ANKFN1: variants seen among roughly 807,000 people sequenced by gnomAD.
ANKFN1 encodes the protein ankyrin repeat and fibronectin type-III domain-containing protein 1.
Under a neutral mutation model 108.7 loss-of-function variants are expected in ANKFN1, and 74 were observed. The observed-to-expected ratio is 0.68, with a 90% CI of 0.56 to 0.83. The LOEUF (loss-of-function observed/expected upper bound fraction) is 0.83, where lower values mean the gene tolerates loss of function less well. ANKFN1 is among the 40% of genes least tolerant of loss of function. The pLI is 0.00. For missense variants in ANKFN1, 1,505 were observed against 1,382.3 expected (o/e 1.09, Z -1.41); for synonymous variants, 547 against 516.2 (o/e 1.06, Z -0.81).
chr17:56,116,783 G>A lies in ANKFN1; in HGVS notation c.288+70458G>A, dbSNP rs553876557. ...ATAGTAACACAAACAGGCTAAGACA[G>A]AAGGCAAGTTAAAACAAAAAAGATT... On this transcript the variant is annotated intron_variant, in intron 4 of 12. Coordinates refer to the ANKFN1 transcript ENST00000635860. 2.4e-4 allele frequency among the ~76,000 whole-genome samples: 36 copies of A among 152,220 alleles called. No homozygotes were observed. The South Asian group carries it at 7.5e-3, about 32-fold the overall frequency.
chr17:56,084,379 A>ATG (rs2143173947), intron 4 of ANKFN1, among the ~76,000 whole-genome samples: 1 of 151,418 alleles, frequency 6.6e-6, no homozygotes, highest in Non-Finnish European at 1.5e-5. Flanking sequence ...TTAGATAAAA[A>ATG]CCATGAAGGG....
intron 4 of ANKFN1, among the ~76,000 whole-genome samples, chr17:56,349,625 T>C (rs2046195949): frequency 6.6e-6 from 1 of 152,100 alleles, no homozygotes; most frequent in Non-Finnish European, 1.5e-5. Context: ...ACAAAAATAT[T>C]AGCTACTATG....
chr17:56,048,642 A>G (rs1471112771), intron 4 of ANKFN1, among the ~76,000 whole-genome samples: 1 of 152,242 alleles, frequency 6.6e-6, no homozygotes, highest in Admixed American at 6.5e-5. Flanking sequence ...GAGGAAATCA[A>G]GCATCAAGCT....
intron 11 of ANKFN1, among the ~76,000 whole-genome samples, chr17:56,455,812 G>T (rs2049673188): frequency 6.6e-6 from 1 of 152,224 alleles, no homozygotes; most frequent in Admixed American, 6.5e-5. Flanking sequence ...AGAGCCTGAT[G>T]CATAGTAGTG....
chr17:56,234,692 T>C (rs1420639068), intron 3 of ANKFN1, among the ~76,000 whole-genome samples: 1 of 152,204 alleles, frequency 6.6e-6, no homozygotes, highest in East Asian at 1.9e-4. Context: ...TCATTCTTTT[T>C]TATGGCTGCA....
chr17:56,135,408 C>G (rs1252797452), intron 4 of ANKFN1, among the ~76,000 whole-genome samples: 1 of 152,146 alleles, frequency 6.6e-6, no homozygotes. Flanking sequence ...CTAAACCACA[C>G]AATGGAGGAA....
chr17:56,373,728 G>C (rs1198006730), intron 7 of ANKFN1, among the ~76,000 whole-genome samples: 1 of 152,180 alleles, frequency 6.6e-6, no homozygotes, highest in Non-Finnish European at 1.5e-5. Flanking sequence ...ATGAAAGTTT[G>C]CTTTCAACAT....
chr17:56,418,904 C>T (rs1181135512), intron 8 of ANKFN1, among the ~76,000 whole-genome samples: 1 of 151,936 alleles, frequency 6.6e-6, no homozygotes. Flanking sequence ...ATTTGTAGAA[C>T]TGAGGTGAGA....
intron 4 of ANKFN1, among the ~76,000 whole-genome samples, chr17:56,091,004 G>A (rs1010895387): frequency 6.6e-6 from 1 of 151,286 alleles, no homozygotes; most frequent in South Asian, 2.1e-4. Flanking sequence ...GGACACACTT[G>A]TGAACAATTG....
At chr17:56,406,904 G>C (rs1047749579) in intron 8 of ANKFN1, among the ~76,000 whole-genome samples, 6 of 152,134 alleles carry the variant, frequency 3.9e-5, no homozygotes, top group African/African-American at 1.2e-4. Context: ...TTCTGAAACT[G>C]CCATGGTTCA....
intron 3 of ANKFN1, among the ~76,000 whole-genome samples, chr17:56,273,509 C>G (rs959533315): frequency 2.0e-5 from 3 of 152,066 alleles, no homozygotes; most frequent in Non-Finnish European, 4.4e-5. Context: ...ATAATATTGT[C>G]AAGTAGATTC....
intron 10 of ANKFN1, among the ~76,000 whole-genome samples, chr17:56,446,081 A>C (rs958536855): frequency 1.3e-5 from 2 of 152,180 alleles, no homozygotes; most frequent in Non-Finnish European, 1.5e-5. Flanking sequence ...TTCTTTCCAA[A>C]AACCTTGGCA....
intron 11 of ANKFN1, 25 bp from the exon 12 acceptor site, chr17:56,456,836 C>G: frequency 1.3e-6 from 2 of 1,588,172 alleles, no homozygotes; most frequent in Non-Finnish European, 1.7e-6. Flanking sequence ...GGAATTTATA[C>G]TGTATTTTTT....
At chr17:56,223,732 G>C (rs767843756) in intron 2 of ANKFN1, among the ~76,000 whole-genome samples, 1 of 152,090 alleles carries the variant, frequency 6.6e-6, no homozygotes, top group Non-Finnish European at 1.5e-5. Context: ...CATGTCCCCC[G>C]ATTATAACCA....
intron 4 of ANKFN1, among the ~76,000 whole-genome samples, chr17:56,076,593 G>T (rs189014905): frequency 6.6e-6 from 1 of 152,102 alleles, no homozygotes; most frequent in Non-Finnish European, 1.5e-5. Flanking sequence ...TGACTCTGCC[G>T]CTTACTGTGT....
chr17:56,381,998 G>A (rs9901713), intron 8 of ANKFN1, among the ~76,000 whole-genome samples: 1 of 152,068 alleles, frequency 6.6e-6, no homozygotes, highest in Admixed American at 6.6e-5. Context: ...ATTCACCAAA[G>A]TTGAAATGAA....
intron 3 of ANKFN1, among the ~76,000 whole-genome samples, chr17:56,285,764 A>C (rs1374309504): frequency 6.6e-6 from 1 of 152,058 alleles, no homozygotes; most frequent in African/African-American, 2.4e-5. Flanking sequence ...TAATTAGAAG[A>C]GATTCCTCTC....
chr17:56,466,500 C>T lies in ANKFN1; in HGVS notation c.1702C>T (p.Gln568Ter). The change falls in exon 15 of 21, where the codon CAA becomes TAA. Residue 568 changes from glutamine (Q) to a stop codon, truncating the protein, a stop_gained. Coordinates refer to ENST00000682825, the MANE Select transcript of ANKFN1 (RefSeq NM_001370326.1). LOFTEE classifies it high-confidence loss of function. The stretch of plus-strand genomic sequence containing the variant: ...CAAATGGATGCAGATCTCAAAGCTG[C>T]AAAGCCAGAGAAAGTCTCTATCAAC... ...NGKWMQISKL[Q>*]SQRKSLSTPE... 5.0e-6 allele frequency: 8 copies of T among 1,614,064 alleles called. No individual in the cohort carries two copies. Among genetic ancestry groups the T allele is most frequent in the Non-Finnish European group, 6.8e-6 (8 of 1,180,008 alleles).
chr17:56,120,965 A>T (rs1906578653), intron 4 of ANKFN1, among the ~76,000 whole-genome samples: 1 of 152,102 alleles, frequency 6.6e-6, no homozygotes, highest in African/African-American at 2.4e-5. Context: ...TTTTGAATTT[A>T]TCGATTTTTC....
Sources: allele counts gnomAD v4.1 joint callset (sites outside exome capture counted in the v4.1 genomes callset), GRCh38; gene constraint gnomAD v4.1.1; transcripts MANE v1.5; gene names NCBI Gene and HGNC (gene_info 2026-07-23, HGNC 2026-07-21).